KCNN2: variants seen among roughly 807,000 people sequenced by gnomAD.
KCNN2 encodes potassium calcium-activated channel subfamily N member 2.
Under a neutral mutation model 55.5 loss-of-function variants are expected in KCNN2, and 24 were observed. The ratio of observed to expected loss-of-function variants is 0.43; its 90% CI spans 0.31 to 0.61. The LOEUF is 0.61. KCNN2 is among the 20% of genes least tolerant of loss of function. KCNN2 has a pLI of 0.08. For synonymous variants in KCNN2, 431 were observed against 336.1 expected, an observed-to-expected ratio of 1.28 and a Z score of -3.09; for missense variants, 754 against 853.6, an observed-to-expected ratio of 0.88 and a Z score of 1.45.
chr5:114,399,360 T>C (rs1490220025), intron 2 of KCNN2, among the ~76,000 whole-genome samples: 1 of 152,162 alleles, frequency 6.6e-6, no homozygotes, highest in Non-Finnish European at 1.5e-5. Flanking sequence ...GATGATCATG[T>C]GATTTCTGTT....
At chr5:114,482,338 AC>A (rs1307068590) in intron 5 of KCNN2, among the ~76,000 whole-genome samples, 3 of 152,200 alleles carry the variant, frequency 2.0e-5, no homozygotes, top group Non-Finnish European at 4.4e-5. Flanking sequence ...ACCATCTCAC[AC>A]CCATCAGAAT....
chr5:114,190,714 G>A (rs1040408417), intron 1 of KCNN2, among the ~76,000 whole-genome samples: 20 of 152,058 alleles, frequency 1.3e-4, no homozygotes, highest in Admixed American at 1.1e-3. Flanking sequence ...GATTATGTGT[G>A]CATGGATTTA....
At chr5:114,415,390 T>C (rs1019895379) in intron 3 of KCNN2, among the ~76,000 whole-genome samples, 4 of 152,230 alleles carry the variant, frequency 2.6e-5, no homozygotes, top group South Asian at 2.1e-4. Context: ...GGTTCCAGTT[T>C]TATCACATCC....
chr5:114,306,299 G>A (rs925652498), intron 2 of KCNN2, among the ~76,000 whole-genome samples: 1 of 152,106 alleles, frequency 6.6e-6, no homozygotes, highest in African/African-American at 2.4e-5. Flanking sequence ...GCTGTGACTG[G>A]GGCTACTACT....
chr5:114,163,832 A>T (rs1752850716), intron 1 of KCNN2, among the ~76,000 whole-genome samples: 1 of 152,250 alleles, frequency 6.6e-6, no homozygotes, highest in African/African-American at 2.4e-5. Context: ...ATACATAAGT[A>T]GCCAGTAAAT....
At chr5:114,149,622 TTAAC>T (rs1752473952) in intron 1 of KCNN2, among the ~76,000 whole-genome samples, 1 of 152,150 alleles carries the variant, frequency 6.6e-6, no homozygotes, top group Non-Finnish European at 1.5e-5. Flanking sequence ...AAGTAATTCT[TTAAC>T]ATAACATCTG....
chr5:114,289,556 T>C (rs1174694811), intron 2 of KCNN2, among the ~76,000 whole-genome samples: 3 of 152,026 alleles, frequency 2.0e-5, no homozygotes, highest in Non-Finnish European at 2.9e-5. Context: ...TTTGTATTTT[T>C]AGTCTAAATG....
chr5:114,412,407 A>G (rs542610175), intron 3 of KCNN2, among the ~76,000 whole-genome samples: 83 of 149,452 alleles, frequency 5.6e-4, no homozygotes, highest in Middle Eastern at 6.8e-3. Flanking sequence ...TTTTAAATGA[A>G]CTTTAAGATT....
chr5:114,484,978 G>A (rs996884476), intron 5 of KCNN2, among the ~76,000 whole-genome samples: 2 of 152,164 alleles, frequency 1.3e-5, no homozygotes, highest in African/African-American at 2.4e-5. Flanking sequence ...TGAACTCTGA[G>A]ATTAAGATTC....
intron 5 of KCNN2, among the ~76,000 whole-genome samples, chr5:114,475,848 G>A (rs1761940619): frequency 6.6e-6 from 1 of 151,968 alleles, no homozygotes; most frequent in Non-Finnish European, 1.5e-5. Context: ...AACTGACAAA[G>A]TTTTCTGATG....
intron 1 of KCNN2, among the ~76,000 whole-genome samples, chr5:114,170,861 T>C (rs1346155204): frequency 6.6e-6 from 1 of 152,048 alleles, no homozygotes; most frequent in East Asian, 1.9e-4. Flanking sequence ...GACTACATCA[T>C]TGTTCCCTTT....
rs576257419 is a variant in KCNN2, at chr5:114,272,619, T to G, written c.-185+51054T>G. ...TTGATAAATTCTAGAGACCTTTTGT[T>G]GTCAATAAGTAAATATTTACTTCAT... On this transcript the variant is annotated intron_variant, in intron 2 of 10. Transcript: ENST00000512097. 3.9e-5 allele frequency among the ~76,000 whole-genome samples: 6 copies of G among 152,270 alleles called. No individual in the cohort carries two copies. The East Asian group carries it at 1.2e-3, about 29-fold the overall frequency.
At chr5:114,375,720 C>T (rs1220898201) in intron 2 of KCNN2, among the ~76,000 whole-genome samples, 37 of 151,650 alleles carry the variant, frequency 2.4e-4, no homozygotes, top group Non-Finnish European at 4.4e-5. Context: ...ACTAGTTGTT[C>T]TTATTTGTCA....
chr5:114,322,055 A>G (rs1756625271), intron 2 of KCNN2, among the ~76,000 whole-genome samples: 1 of 152,250 alleles, frequency 6.6e-6, no homozygotes, highest in Non-Finnish European at 1.5e-5. Context: ...TTTCAATAAC[A>G]TTCTAAGACA....
chr5:114,485,349 T>A (rs1444943676), intron 5 of KCNN2, among the ~76,000 whole-genome samples: 1 of 152,080 alleles, frequency 6.6e-6, no homozygotes, highest in Non-Finnish European at 1.5e-5. Flanking sequence ...TCTGAGACTC[T>A]CTCTTTCCTC....
chr5:114,197,461 C>A (rs1753581232), intron 1 of KCNN2, among the ~76,000 whole-genome samples: 1 of 152,170 alleles, frequency 6.6e-6, no homozygotes, highest in South Asian at 2.1e-4. Flanking sequence ...TTGCCCAGTT[C>A]TGCCTTCTTC....
At chr5:114,385,177 A>C (rs943892950) in intron 2 of KCNN2, among the ~76,000 whole-genome samples, 1 of 150,410 alleles carries the variant, frequency 6.6e-6, no homozygotes, top group Non-Finnish European at 1.5e-5. Flanking sequence ...GCCTGTATTT[A>C]CTTCCTTCCT....
Position 114,312,882 on chromosome 5 carries a change from T to G in KCNN2, c.-184-48063T>G, listed in dbSNP as rs554776185. Among the ~76,000 whole-genome samples the G allele has an allele frequency of 3.0e-3, 461 of 152,200 alleles. 2 individuals are homozygous for G. Among genetic ancestry groups the G allele is most frequent in the Middle Eastern group, 0.01 (3 of 292 alleles). On this transcript the variant is annotated intron_variant, in intron 2 of 10. Coordinates refer to the KCNN2 transcript ENST00000512097. ...ACATATGTAGCCCAAGGAAGATCTG[T>G]GATAAGACTGGAAAACACAAGTTGT...
At chr5:114,162,978 G>A (rs1284543055) in intron 1 of KCNN2, among the ~76,000 whole-genome samples, 3 of 152,090 alleles carry the variant, frequency 2.0e-5, no homozygotes, top group African/African-American at 4.8e-5. Context: ...TCCCTGCTTC[G>A]GCTCATGCAC....
Sources: allele counts gnomAD v4.1 joint callset (sites outside exome capture counted in the v4.1 genomes callset), GRCh38; gene constraint gnomAD v4.1.1; transcripts MANE v1.5; gene names NCBI Gene and HGNC (gene_info 2026-07-23, HGNC 2026-07-21).